FRMD3: variants seen among roughly 807,000 people sequenced by gnomAD.
FRMD3 encodes the protein FERM domain-containing protein 3.
A neutral mutation model predicts 70.2 loss-of-function variants in FRMD3; 33 were observed. The ratio of observed to expected loss-of-function variants is 0.47; its 90% CI spans 0.36 to 0.63. The LOEUF (loss-of-function observed/expected upper bound fraction) is 0.63. Ranked by LOEUF, FRMD3 falls within the 20% of genes least tolerant of loss-of-function variation. FRMD3 has a pLI of 0.00. For synonymous variants in FRMD3, 279 were observed against 255.9 expected, an observed-to-expected ratio of 1.09 and a Z score of -0.86; for missense variants, 632 against 711.4, an observed-to-expected ratio of 0.89 and a Z score of 1.27.
chr9:83,509,243 ATACCAGGTGC>A (rs1002520661), intron 1 of FRMD3, among the ~76,000 whole-genome samples: 1 of 152,198 alleles, frequency 6.6e-6, no homozygotes, highest in African/African-American at 2.4e-5. Flanking sequence ...CTCAGATGTT[ATACCAGGTGC>A]TACACTGACC....
intron 1 of FRMD3, among the ~76,000 whole-genome samples, chr9:83,478,052 G>T (rs1367822339): frequency 6.6e-6 from 1 of 152,140 alleles, no homozygotes; most frequent in Non-Finnish European, 1.5e-5. Flanking sequence ...CCCAGGACTG[G>T]CTTCCCTTCT....
intron 1 of FRMD3, among the ~76,000 whole-genome samples, chr9:83,443,722 C>A (rs892810727): frequency 3.3e-5 from 5 of 152,104 alleles, no homozygotes; most frequent in Admixed American, 6.5e-5. Context: ...CCACACTGTC[C>A]CCCACAATTG....
At chr9:83,573,255 G>C in the FRMD3 span, among the ~76,000 whole-genome samples, 7 of 151,402 alleles carry the variant, frequency 4.6e-5, no homozygotes, top group Non-Finnish European at 5.9e-5. Flanking sequence ...GAAAGAGGAA[G>C]ATGGGAAGAA....
At chr9:83,357,244 TACATATA>T in intron 3 of FRMD3, among the ~76,000 whole-genome samples, 1 of 2,588 alleles carries the variant, frequency 3.9e-4, no homozygotes, top group African/African-American at 1.4e-3. Context: ...ATATAATACA[TACATATA>T]TATATATATA....
chr9:83,448,945 C>A (rs1827560175), intron 1 of FRMD3, among the ~76,000 whole-genome samples: 1 of 152,176 alleles, frequency 6.6e-6, no homozygotes, highest in South Asian at 2.1e-4. Flanking sequence ...CCTTGCTCAG[C>A]TCTCTGTGAT....
At chr9:83,522,260 CAAT>C (rs1829586672) in intron 1 of FRMD3, among the ~76,000 whole-genome samples, 1 of 152,176 alleles carries the variant, frequency 6.6e-6, no homozygotes, top group Non-Finnish European at 1.5e-5. Context: ...GGTTGCACAA[CAAT>C]GTGATTTACT....
chr9:83,488,579 T>C (rs995003392), intron 1 of FRMD3, among the ~76,000 whole-genome samples: 5 of 152,200 alleles, frequency 3.3e-5, no homozygotes, highest in Admixed American at 6.5e-5. Flanking sequence ...ATGCCAATAC[T>C]TCCACTTTCC....
chr9:83,271,750 A>G (rs981942537), intron 13 of FRMD3, among the ~76,000 whole-genome samples: 2 of 152,214 alleles, frequency 1.3e-5, no homozygotes, highest in Admixed American at 6.5e-5. Context: ...AAGCTGAGAT[A>G]ACTGCTCTCT....
chr9:83,560,781 G>A, the FRMD3 span, among the ~76,000 whole-genome samples: 3 of 152,286 alleles, frequency 2.0e-5, no homozygotes, highest in East Asian at 3.9e-4. Context: ...GACCATTAAT[G>A]TGCCTCTTCT....
At chr9:83,482,393 G>C (rs541197273) in intron 1 of FRMD3, among the ~76,000 whole-genome samples, 6 of 152,258 alleles carry the variant, frequency 3.9e-5, no homozygotes, top group Admixed American at 3.9e-4. Flanking sequence ...CATTTATTTA[G>C]AATGCCTGAG....
chr9:83,379,750 C>T (rs1426404359), intron 2 of FRMD3, among the ~76,000 whole-genome samples: 1 of 152,148 alleles, frequency 6.6e-6, no homozygotes, highest in Non-Finnish European at 1.5e-5. Flanking sequence ...AAACTTCCTA[C>T]CCCACCTCAC....
intron 13 of FRMD3, among the ~76,000 whole-genome samples, chr9:83,258,608 A>T (rs1022417451): frequency 6.6e-6 from 1 of 152,250 alleles, no homozygotes; most frequent in African/African-American, 2.4e-5. Context: ...TTTGGGGACA[A>T]TATGGTGACA....
At chr9:83,337,641 C>T (rs1823623883) in intron 5 of FRMD3, among the ~76,000 whole-genome samples, 1 of 152,136 alleles carries the variant, frequency 6.6e-6, no homozygotes, top group African/African-American at 2.4e-5. Context: ...ACCAATATGA[C>T]TTTGAAGTAG....
In FRMD3 at chr9:83,290,707, C is replaced by T. The variant is rs372201657; in HGVS notation, c.1091G>A (p.Arg364His). ...EVHRANITQS[R>H]SSHSLNKQLI... ...CTGTTTGTTCAAGGAGTGGGAACTG[C>T]GGCTCTGAGTAATGTTGGCTCTGAA... Residue 364 changes from arginine (R) to histidine (H), a missense_variant, in exon 13 of 14, where the codon CGC (arginine) becomes CAC (histidine). Physicochemically the swap from Arg to His is conservative, Grantham distance 29. Around this residue, in one of 3 missense-constraint regions of FRMD3, gnomAD observed 418 missense variants for 442.1 expected, o/e 0.95. Coordinates refer to ENST00000304195, the MANE Select transcript of FRMD3 (RefSeq NM_174938.6). 4.5e-5 allele frequency: 72 copies of T among 1,612,214 alleles called. No individual in the cohort carries two copies. Among genetic ancestry groups the T allele is most frequent in the Admixed American group, 1.0e-4 (6 of 59,796 alleles).
the FRMD3 span, among the ~76,000 whole-genome samples, chr9:83,556,080 C>T: frequency 9.2e-5 from 14 of 151,876 alleles, no homozygotes; most frequent in Non-Finnish European, 1.5e-4. Context: ...ATTTACTTGC[C>T]CCTTCTGTTC....
chr9:83,348,200 C>G (rs1182952786), intron 4 of FRMD3, among the ~76,000 whole-genome samples: 1 of 152,054 alleles, frequency 6.6e-6, no homozygotes, highest in Non-Finnish European at 1.5e-5. Context: ...CTGTTAGCAC[C>G]CTGAGGGCAG....
At chr9:83,319,722 T>C (rs772656381) in intron 6 of FRMD3, among the ~76,000 whole-genome samples, 1 of 152,182 alleles carries the variant, frequency 6.6e-6, no homozygotes, top group Non-Finnish European at 1.5e-5. Flanking sequence ...GTCTTTCCCT[T>C]GCTGTTCTCT....
the FRMD3 span, among the ~76,000 whole-genome samples, chr9:83,576,009 A>C: frequency 6.6e-6 from 1 of 152,128 alleles, no homozygotes; most frequent in Non-Finnish European, 1.5e-5. Context: ...ACTCGAAGCC[A>C]GGAGTTTGGG....
Position 83,409,263 on chromosome 9 carries a change from G to A in FRMD3, c.148-19555C>T, listed in dbSNP as rs547082829. Reference sequence around the variant, plus strand: ...GCCAGGCGCATTGAACTGAATGCTCGCTCTCAATATTGCATGTTACTGTTC... The same window carrying A: ...GCCAGGCGCATTGAACTGAATGCTCACTCTCAATATTGCATGTTACTGTTC... On this transcript the variant is annotated intron_variant, in intron 1 of 13. Transcript: ENST00000304195. 1.0e-3 allele frequency among the ~76,000 whole-genome samples: 159 copies of A among 152,240 alleles called. 1 individual carries two copies. In the South Asian group the frequency reaches 0.026, roughly 25 times the overall value.
Sources: gnomAD v4.1 joint callset for allele counts (sites outside exome capture counted in the v4.1 genomes callset) on GRCh38, gnomAD v4.1.1 for gene constraint, gnomAD v4.1.1 regional missense constraint, MANE v1.5 for transcripts, NCBI Gene and HGNC (gene_info 2026-07-23, HGNC 2026-07-21) for gene names.